SAMD12: variants seen among roughly 807,000 people sequenced by gnomAD.
SAMD12 encodes sterile alpha motif domain containing 12.
Under a neutral mutation model 15.0 loss-of-function variants are expected in SAMD12, and 9 were observed. The ratio of observed to expected loss-of-function variants is 0.60; its 90% CI spans 0.36 to 1.05. The LOEUF (loss-of-function observed/expected upper bound fraction) is 1.05. Ranked by LOEUF, SAMD12 falls within the 50% of genes least tolerant of loss-of-function variation. The pLI, the probability that SAMD12 is intolerant of heterozygous loss-of-function variation, is 0.01. For synonymous variants in SAMD12, 86 were observed against 90.1 expected, an observed-to-expected ratio of 0.96 and a Z score of 0.25; for missense variants, 230 against 234.2, an observed-to-expected ratio of 0.98 and a Z score of 0.12.
At chr8:118,407,350 C>T (rs1456748660) in intron 3 of SAMD12, among the ~76,000 whole-genome samples, 3 of 152,098 alleles carry the variant, frequency 2.0e-5, no homozygotes, top group Non-Finnish European at 4.4e-5. Context: ...TTTCAATAGT[C>T]GCCATCCTAA....
intron 4 of SAMD12, among the ~76,000 whole-genome samples, chr8:118,198,035 G>T (rs1343121974): frequency 1.3e-5 from 2 of 152,260 alleles, no homozygotes; most frequent in Non-Finnish European, 2.9e-5. Context: ...CGGGGCTGCA[G>T]TTTGGGAAAC....
intron 4 of SAMD12, among the ~76,000 whole-genome samples, chr8:118,298,598 A>G (rs937662285): frequency 3.3e-5 from 5 of 152,176 alleles, no homozygotes; most frequent in Non-Finnish European, 7.4e-5. Context: ...ACAATTTTGA[A>G]TTGTTTACAC....
chr8:118,268,913 C>G (rs746601747), intron 4 of SAMD12, among the ~76,000 whole-genome samples: 2 of 152,152 alleles, frequency 1.3e-5, no homozygotes, highest in Non-Finnish European at 2.9e-5. Context: ...CTGGTGAATT[C>G]CATTCTCAGA....
At chr8:118,134,525 C>G in the SAMD12 span, among the ~76,000 whole-genome samples, 1 of 152,214 alleles carries the variant, frequency 6.6e-6, no homozygotes, top group Non-Finnish European at 1.5e-5. Context: ...TCAGCATCAC[C>G]TAGCAACTGG....
At chr8:118,150,959 G>C in the SAMD12 span, among the ~76,000 whole-genome samples, 1 of 152,104 alleles carries the variant, frequency 6.6e-6, no homozygotes, top group Non-Finnish European at 1.5e-5. Context: ...TGTAGTCCTA[G>C]CCTCTTGAGA....
chr8:118,330,226 T>C (rs1012101224), intron 4 of SAMD12, among the ~76,000 whole-genome samples: 1 of 152,186 alleles, frequency 6.6e-6, no homozygotes, highest in African/African-American at 2.4e-5. Flanking sequence ...TGGATTTAAG[T>C]ATACAGAAGA....
At chr8:118,432,289 C>G (rs1458142827) in intron 3 of SAMD12, among the ~76,000 whole-genome samples, 1 of 120,758 alleles carries the variant, frequency 8.3e-6, no homozygotes, top group Non-Finnish European at 1.9e-5. Flanking sequence ...TTTCTTACCT[C>G]TTGCATGCTT....
chr8:118,614,135 A>G (rs1182934115), intron 1 of SAMD12, among the ~76,000 whole-genome samples: 1 of 152,208 alleles, frequency 6.6e-6, no homozygotes, highest in Non-Finnish European at 1.5e-5. Context: ...AAAATGCTAT[A>G]AAAATGTCTT....
chr8:118,289,326 T>C (rs1251807586), intron 4 of SAMD12, among the ~76,000 whole-genome samples: 1 of 152,168 alleles, frequency 6.6e-6, no homozygotes, highest in African/African-American at 2.4e-5. Context: ...TCTGCTCTTT[T>C]CCTAATTAAT....
intron 2 of SAMD12, among the ~76,000 whole-genome samples, chr8:118,548,384 T>TACACAC (rs36228827): frequency 0.034 from 4,732 of 139,858 alleles, 151 homozygotes; most frequent in East Asian, 0.19. Context: ...AAAACACACA[T>TACACAC]ACACACACAC....
chr8:118,176,985 AG>A, the SAMD12 span, among the ~76,000 whole-genome samples: 2 of 152,186 alleles, frequency 1.3e-5, no homozygotes, highest in African/African-American at 4.8e-5. Context: ...ATTTGAGAAA[AG>A]ACCAGAGTGT....
chr8:118,318,057 G>T (rs948787272), intron 4 of SAMD12, among the ~76,000 whole-genome samples: 3 of 151,856 alleles, frequency 2.0e-5, no homozygotes, highest in African/African-American at 7.3e-5. Flanking sequence ...AATAGATGGT[G>T]GTGTGGTTGT....
intron 4 of SAMD12, among the ~76,000 whole-genome samples, chr8:118,364,096 T>C (rs1818642333): frequency 6.6e-6 from 1 of 152,078 alleles, no homozygotes; most frequent in African/African-American, 2.4e-5. Context: ...GAACCGACCT[T>C]TTAGAGCTGA....
At chr8:118,538,505 G>C (rs560979114) in intron 2 of SAMD12, among the ~76,000 whole-genome samples, 1 of 152,250 alleles carries the variant, frequency 6.6e-6, no homozygotes, top group South Asian at 2.1e-4. Context: ...GTTGAGTTCT[G>C]CCTGGTATTG....
At chr8:118,164,346 T>G in the SAMD12 span, among the ~76,000 whole-genome samples, 1 of 152,186 alleles carries the variant, frequency 6.6e-6, no homozygotes. Flanking sequence ...AGTTTCTGCT[T>G]CAGCTGTAAC....
chr8:118,380,982 G>C (rs1819642282), intron 3 of SAMD12, among the ~76,000 whole-genome samples: 1 of 152,184 alleles, frequency 6.6e-6, no homozygotes, highest in South Asian at 2.1e-4. Context: ...TGTAACAAGA[G>C]GGAGGAGAGA....
At chr8:118,346,479 G>A (rs1031772422) in intron 4 of SAMD12, among the ~76,000 whole-genome samples, 1 of 152,130 alleles carries the variant, frequency 6.6e-6, no homozygotes, top group African/African-American at 2.4e-5. Flanking sequence ...TTCACCAAAA[G>A]CCCAGAATAA....
the SAMD12 span, among the ~76,000 whole-genome samples, chr8:118,179,593 C>G: frequency 2.0e-5 from 3 of 152,226 alleles, no homozygotes; most frequent in Non-Finnish European, 4.4e-5. Context: ...TTTTGGAAAA[C>G]TTCCTTTTCT....
At chr8:118,229,486 G>A (rs113697965) in intron 4 of SAMD12, among the ~76,000 whole-genome samples, 5 of 151,982 alleles carry the variant, frequency 3.3e-5, no homozygotes, top group East Asian at 1.9e-4. Context: ...TAACTAATGC[G>A]CACTTTGTTT....
Sources: gnomAD v4.1 joint callset for allele counts (sites outside exome capture counted in the v4.1 genomes callset) on GRCh38, gnomAD v4.1.1 for gene constraint, MANE v1.5 for transcripts, NCBI Gene and HGNC (gene_info 2026-07-23, HGNC 2026-07-21) for gene names.